MAD1L1: variants seen among roughly 807,000 people sequenced by gnomAD.
The protein encoded by MAD1L1 is mitotic arrest deficient 1 like 1, also known as mitotic spindle assembly checkpoint protein MAD1.
In MAD1L1, 95 loss-of-function variants were observed where a neutral mutation model predicts 96.9. That is an observed-to-expected ratio of 0.98 (90% confidence interval 0.83 to 1.16). MAD1L1 has a LOEUF of 1.16. MAD1L1 is among the 50% of genes most tolerant of loss of function. The pLI is 0.00. For missense variants in MAD1L1, 1,007 were observed against 954.4 expected (o/e 1.06, Z -0.73); for synonymous variants, 473 against 396.6 (o/e 1.19, Z -2.29).
At chr7:1,987,694 C>A (rs1781219490) in intron 14 of MAD1L1, among the ~76,000 whole-genome samples, 1 of 152,230 alleles carries the variant, frequency 6.6e-6, no homozygotes, top group African/African-American at 2.4e-5. Flanking sequence ...CGCCCGGCAG[C>A]CCCGGCTCCA....
intron 14 of MAD1L1, among the ~76,000 whole-genome samples, chr7:1,994,475 G>T (rs1045860317): frequency 2.0e-5 from 3 of 152,134 alleles, no homozygotes; most frequent in African/African-American, 7.2e-5. Context: ...CAGGCCCATC[G>T]GGCACTGAGG....
chr7:2,197,453 C>T (rs1462560130), intron 10 of MAD1L1, among the ~76,000 whole-genome samples: 1 of 152,150 alleles, frequency 6.6e-6, no homozygotes, highest in East Asian at 1.9e-4. Flanking sequence ...TCTAGCCTCT[C>T]CTCACTCCTC....
intron 15 of MAD1L1, among the ~76,000 whole-genome samples, chr7:1,964,110 G>T (rs1293145687): frequency 6.6e-6 from 1 of 152,168 alleles, no homozygotes; most frequent in Admixed American, 6.5e-5. Flanking sequence ...CCTGGCCGAG[G>T]GCCCAGGGTG....
chr7:1,960,861 T>C (rs1051104287), intron 15 of MAD1L1, among the ~76,000 whole-genome samples: 1 of 152,226 alleles, frequency 6.6e-6, no homozygotes, highest in African/African-American at 2.4e-5. Context: ...GCACTTGAAC[T>C]ATGTACCAAG....
intron 13 of MAD1L1, among the ~76,000 whole-genome samples, chr7:2,007,299 A>G (rs1413839380): frequency 6.6e-6 from 1 of 152,250 alleles, no homozygotes; most frequent in Non-Finnish European, 1.5e-5. Context: ...GCGTTCTCCC[A>G]GCTCTGGTGC....
chr7:2,077,304 G>A (rs1163557492), intron 11 of MAD1L1, among the ~76,000 whole-genome samples: 2 of 152,212 alleles, frequency 1.3e-5, no homozygotes, highest in African/African-American at 2.4e-5. Flanking sequence ...TTAGCTATCT[G>A]AGGAACATAG....
intron 10 of MAD1L1, among the ~76,000 whole-genome samples, chr7:2,161,585 G>A (rs982861677): frequency 2.0e-5 from 3 of 151,726 alleles, no homozygotes; most frequent in African/African-American, 7.3e-5. Flanking sequence ...GATGTGAGGA[G>A]CCCCTCTGCC....
chr7:2,105,020 G>A (rs998326363), intron 11 of MAD1L1, among the ~76,000 whole-genome samples: 3 of 152,224 alleles, frequency 2.0e-5, no homozygotes, highest in African/African-American at 7.2e-5. Context: ...GGCACAGCCT[G>A]AGGGCTGACC....
At chr7:2,016,281 G>A (rs1782535261) in intron 12 of MAD1L1, among the ~76,000 whole-genome samples, 1 of 152,192 alleles carries the variant, frequency 6.6e-6, no homozygotes, top group African/African-American at 2.4e-5. Flanking sequence ...ATTGAGTTGT[G>A]GCCAGCGTGC....
intron 12 of MAD1L1, among the ~76,000 whole-genome samples, chr7:2,027,465 G>A (rs1783041257): frequency 6.6e-6 from 1 of 152,096 alleles, no homozygotes; most frequent in Admixed American, 6.5e-5. Flanking sequence ...TAACGTACTG[G>A]CAAACCAAAT....
At chr7:1,888,776 CAT>C (rs1390030464) in intron 18 of MAD1L1, among the ~76,000 whole-genome samples, 1 of 151,256 alleles carries the variant, frequency 6.6e-6, no homozygotes, top group African/African-American at 2.4e-5. Flanking sequence ...TGTGTGGTTT[CAT>C]GTGTGTGTCA....
intron 11 of MAD1L1, among the ~76,000 whole-genome samples, chr7:2,094,429 G>A (rs573184113): frequency 1.4e-4 from 21 of 152,178 alleles, no homozygotes; most frequent in Admixed American, 2.6e-4. Context: ...GTGACAAGAC[G>A]GATGAGAAAT....
At position 1,962,312 on chromosome 7, in the gene MAD1L1, T is replaced by C. The variant is rs1268202910; in HGVS notation, c.1506-4593A>G. Among the ~76,000 whole-genome samples the C allele has an allele frequency of 2.0e-5, 3 of 152,248 alleles. No homozygotes were observed. In the East Asian group the frequency reaches 5.8e-4, roughly 29 times the overall value. Reference sequence around the variant, plus strand: ...TGTGCCTTTTGCCTGCTGCCATGATTGTGAGGCCTCCCCAGCCATGTAGAA... The same window carrying C: ...TGTGCCTTTTGCCTGCTGCCATGATCGTGAGGCCTCCCCAGCCATGTAGAA... On this transcript the variant is annotated intron_variant, in intron 15 of 18. Coordinates refer to ENST00000265854, the MANE Select transcript of MAD1L1 (RefSeq NM_001013836.2).
chr7:2,165,351 G>A (rs1440396988), intron 10 of MAD1L1, among the ~76,000 whole-genome samples: 1 of 152,218 alleles, frequency 6.6e-6, no homozygotes, highest in East Asian at 1.9e-4. Flanking sequence ...GTGTTATCTG[G>A]ACGAGTGCAC....
chr7:1,871,697 C>G (rs1186993847), intron 18 of MAD1L1, among the ~76,000 whole-genome samples: 1 of 151,646 alleles, frequency 6.6e-6, no homozygotes, highest in East Asian at 1.9e-4. Flanking sequence ...CAACATAACA[C>G]CTGCCACGCT....
At position 1,920,399 on chromosome 7, in the gene MAD1L1, G is replaced by A. The variant is rs1167349241; in HGVS notation, c.1807+16288C>T. Among the ~76,000 whole-genome samples, 7 of 152,182 alleles carry A rather than the reference G, an allele frequency of 4.6e-5. No individual in the cohort carries two copies. The East Asian group carries it at 7.7e-4, about 17-fold the overall frequency. On this transcript the variant is annotated intron_variant, in intron 17 of 18. Coordinates refer to ENST00000265854, the MANE Select transcript of MAD1L1 (RefSeq NM_001013836.2). ...GGGGCAGAGAAAGTCGGGGAGACTC[G>A]GCTGCCGTGGCAGCCTCACACTGTG...
At chr7:1,869,844 T>C (rs953149824) in intron 18 of MAD1L1, among the ~76,000 whole-genome samples, 1 of 152,100 alleles carries the variant, frequency 6.6e-6, no homozygotes, top group African/African-American at 2.4e-5. Context: ...AGTGCCTCCA[T>C]GGGGCAGGCA....
At chr7:2,112,623 G>A (rs999322248) in intron 11 of MAD1L1, among the ~76,000 whole-genome samples, 3 of 152,220 alleles carry the variant, frequency 2.0e-5, no homozygotes, top group African/African-American at 7.2e-5. Context: ...CAAGACCAAG[G>A]AGACAGCACA....
chr7:2,024,165 G>C (rs939247484), intron 12 of MAD1L1, among the ~76,000 whole-genome samples: 2 of 151,450 alleles, frequency 1.3e-5, no homozygotes, highest in Non-Finnish European at 1.5e-5. Flanking sequence ...AAGTGAAAGA[G>C]GAGCCATCAC....
Sources: allele counts gnomAD v4.1 joint callset (sites outside exome capture counted in the v4.1 genomes callset), GRCh38; gene constraint gnomAD v4.1.1; transcripts MANE v1.5; gene names NCBI Gene and HGNC (gene_info 2026-07-23, HGNC 2026-07-21).